Variants in BNC2 observed in about 807,000 individuals in gnomAD.
BNC2 encodes zinc finger protein basonuclin-2.
BNC2 carries 20 observed loss-of-function variants against 76.3 expected under a neutral mutation model. The ratio of observed to expected loss-of-function variants is 0.26; its 90% CI spans 0.18 to 0.38. BNC2 has a LOEUF of 0.38. Ranked by LOEUF, BNC2 falls within the 10% of genes least tolerant of loss-of-function variation. BNC2 has a pLI of 1.00. For synonymous variants in BNC2, 582 were observed against 514.8 expected (o/e 1.13, Z -1.77); for missense variants, 1,382 against 1,399.8 (o/e 0.99, Z 0.20).
At chr9:16,853,218 G>T (rs1386867841) in intron 1 of BNC2, among the ~76,000 whole-genome samples, 1 of 151,954 alleles carries the variant, frequency 6.6e-6, no homozygotes, top group African/African-American at 2.4e-5. Context: ...AGGAGTTCAT[G>T]ACCAGCCTGG....
chr9:16,796,557 G>C (rs895944360), intron 1 of BNC2, among the ~76,000 whole-genome samples: 11 of 131,666 alleles, frequency 8.4e-5, no homozygotes, highest in African/African-American at 3.0e-4. Flanking sequence ...GGGTGACAGA[G>C]TGAGACTCCG....
intron 5 of BNC2, among the ~76,000 whole-genome samples, chr9:16,532,968 T>C (rs889951251): frequency 2.0e-5 from 3 of 152,364 alleles, no homozygotes; most frequent in Non-Finnish European, 4.4e-5. Flanking sequence ...AAAGCTATTG[T>C]AATGCTACCA....
intron 1 of BNC2, among the ~76,000 whole-genome samples, chr9:16,747,088 A>G (rs1038602470): frequency 1.3e-5 from 2 of 152,218 alleles, no homozygotes; most frequent in African/African-American, 2.4e-5. Context: ...AAAGAAATAC[A>G]AAGTATACTA....
chr9:16,807,674 CTAAATTGT>C (rs1464242627), intron 1 of BNC2, among the ~76,000 whole-genome samples: 1 of 152,144 alleles, frequency 6.6e-6, no homozygotes, highest in East Asian at 1.9e-4. Context: ...GCTTACATTA[CTAAATTGT>C]TTAATTGAAC....
At chr9:16,492,409 A>T (rs1822297159) in intron 5 of BNC2, among the ~76,000 whole-genome samples, 1 of 152,250 alleles carries the variant, frequency 6.6e-6, no homozygotes, top group South Asian at 2.1e-4. Flanking sequence ...CTATATTTTC[A>T]GCTAAAAATG....
At chr9:16,818,201 A>G (rs1315928922) in intron 1 of BNC2, among the ~76,000 whole-genome samples, 4 of 152,132 alleles carry the variant, frequency 2.6e-5, no homozygotes, top group Non-Finnish European at 5.9e-5. Context: ...TCAGGAAATC[A>G]AGACCATCCT....
chr9:16,623,995 G>A (rs1160989420), intron 3 of BNC2, among the ~76,000 whole-genome samples: 5 of 152,152 alleles, frequency 3.3e-5, no homozygotes, highest in African/African-American at 1.2e-4. Flanking sequence ...TCAATATTAA[G>A]TTTTAGCCTA....
chr9:16,646,868 G>T (rs1251825752), intron 3 of BNC2, among the ~76,000 whole-genome samples: 1 of 152,150 alleles, frequency 6.6e-6, no homozygotes, highest in East Asian at 1.9e-4. Context: ...TCCATAGAGG[G>T]TCTACTGGGA....
At chr9:16,653,780 A>G (rs548858613) in intron 3 of BNC2, among the ~76,000 whole-genome samples, 1 of 152,048 alleles carries the variant, frequency 6.6e-6, no homozygotes, top group Non-Finnish European at 1.5e-5. Flanking sequence ...AAGAATCAAT[A>G]CTTTTGGACT....
intron 1 of BNC2, among the ~76,000 whole-genome samples, chr9:16,756,720 G>A (rs1468135715): frequency 6.6e-6 from 1 of 152,058 alleles, no homozygotes; most frequent in Admixed American, 6.6e-5. Context: ...CTGGGCACAG[G>A]GGCTCACGCC....
At chr9:16,780,247 A>AAAC (rs1554729469) in intron 1 of BNC2, among the ~76,000 whole-genome samples, 18 of 135,000 alleles carry the variant, frequency 1.3e-4, no homozygotes, top group African/African-American at 3.0e-4. Flanking sequence ...AAAAAAAAAA[A>AAAC]AAAAAAAAAC....
At chr9:16,698,998 A>G (rs1052723654) in intron 3 of BNC2, among the ~76,000 whole-genome samples, 2 of 152,250 alleles carry the variant, frequency 1.3e-5, no homozygotes, top group South Asian at 2.1e-4. Context: ...TTAAAAATTA[A>G]TATCAGTATG....
At chr9:16,664,707 A>AAAAAACAAAAAAAAAC (rs751502866) in intron 3 of BNC2, among the ~76,000 whole-genome samples, 1 of 151,574 alleles carries the variant, frequency 6.6e-6, no homozygotes, top group Admixed American at 6.6e-5. Flanking sequence ...ACAAAAACAA[A>AAAAAACAAAAAAAAAC]AAAAACAAAA....
At chr9:16,855,452 T>C (rs546673044) in intron 1 of BNC2, among the ~76,000 whole-genome samples, 3 of 152,260 alleles carry the variant, frequency 2.0e-5, no homozygotes, top group Admixed American at 6.5e-5. Flanking sequence ...AAGGTTGTTA[T>C]ACTTTGGCAA....
At chr9:16,646,660 C>T (rs1479688926) in intron 3 of BNC2, among the ~76,000 whole-genome samples, 3 of 151,878 alleles carry the variant, frequency 2.0e-5, no homozygotes, top group Admixed American at 6.6e-5. Flanking sequence ...TTGGTTGGGG[C>T]GATAGTTTAA....
rs529242657 is a variant in BNC2 at position 16,571,127 on chromosome 9, T to A, written c.433+11856A>T. ...AAAGAAAACACTTGCCAAATTCATT[T>A]AGTCTCTGACTGAGGCACACATATG... On this transcript the variant is annotated intron_variant, in intron 4 of 6. Coordinates refer to ENST00000380672, the MANE Select transcript of BNC2 (RefSeq NM_017637.6). 1.2e-4 allele frequency among the ~76,000 whole-genome samples: 19 copies of A among 152,334 alleles called. No homozygotes were observed. In the East Asian group the frequency reaches 3.5e-3, roughly 28 times the overall value.
chr9:16,823,427 C>G (rs374558480), intron 1 of BNC2, among the ~76,000 whole-genome samples: 61 of 113,102 alleles, frequency 5.4e-4, no homozygotes, highest in African/African-American at 2.2e-3. Flanking sequence ...CCTGTCTCTA[C>G]AAAAAAAAAA....
intron 5 of BNC2, among the ~76,000 whole-genome samples, chr9:16,467,534 G>A (rs1342445178): frequency 8.0e-6 from 1 of 125,786 alleles, no homozygotes; most frequent in Non-Finnish European, 1.6e-5. Flanking sequence ...CCTTTGTAGG[G>A]ACATGGATGA....
intron 1 of BNC2, among the ~76,000 whole-genome samples, chr9:16,780,659 A>G (rs1474608513): frequency 1.3e-5 from 2 of 152,210 alleles, no homozygotes; most frequent in Non-Finnish European, 2.9e-5. Flanking sequence ...CTTTTTTAAC[A>G]CTTATTGGTT....
Sources: allele counts gnomAD v4.1 joint callset (sites outside exome capture counted in the v4.1 genomes callset), GRCh38; gene constraint gnomAD v4.1.1; transcripts MANE v1.5; gene names NCBI Gene and HGNC (gene_info 2026-07-23, HGNC 2026-07-21).